Variants in SBF2 observed in about 807,000 individuals in gnomAD.
The protein encoded by SBF2 is SET binding factor 2.
SBF2 carries 112 observed loss-of-function variants against 225.2 expected under a neutral mutation model. That is an observed-to-expected ratio of 0.50 (90% confidence interval 0.43 to 0.58). The LOEUF is 0.58. Among genes scored for constraint, SBF2 ranks in the 20% least tolerant of loss-of-function variants. The pLI is 0.00. For synonymous variants in SBF2, 763 were observed against 773.3 expected (o/e 0.99, Z 0.22); for missense variants, 1,996 against 2,206.2 (o/e 0.90, Z 1.91).
intron 1 of SBF2, among the ~76,000 whole-genome samples, chr11:10,266,322 G>A (rs61889817): frequency 0.11 from 16,049 of 152,122 alleles, 997 homozygotes; most frequent in Non-Finnish European, 0.11. Flanking sequence ...CACTATTTGT[G>A]CAATTAAAGA....
intron 19 of SBF2, among the ~76,000 whole-genome samples, chr11:9,854,632 G>A (rs937366920): frequency 2.0e-5 from 3 of 152,046 alleles, no homozygotes; most frequent in Non-Finnish European, 4.4e-5. Context: ...TCACCCAGGC[G>A]AGAGTGCAGC....
chr11:9,853,753 T>C, intron 19 of SBF2, 41 bp from the exon 20 acceptor site: 6 of 1,566,932 alleles, frequency 3.8e-6, no homozygotes, highest in South Asian at 3.3e-5. Flanking sequence ...AGTACTTAAA[T>C]GCAACAAATG....
chr11:10,215,992 T>C (rs1958116047), intron 1 of SBF2, among the ~76,000 whole-genome samples: 1 of 152,248 alleles, frequency 6.6e-6, no homozygotes, highest in South Asian at 2.1e-4. Context: ...GTCCCTTCTG[T>C]GGACATTCTC....
intron 2 of SBF2, among the ~76,000 whole-genome samples, chr11:10,104,332 T>A (rs570806664): frequency 6.6e-6 from 1 of 152,112 alleles, no homozygotes; most frequent in Non-Finnish European, 1.5e-5. Flanking sequence ...GCCCTTTAAA[T>A]CCCCTGGAAG....
intron 1 of SBF2, among the ~76,000 whole-genome samples, chr11:10,229,088 T>C (rs918662396): frequency 6.6e-6 from 1 of 152,198 alleles, no homozygotes; most frequent in Non-Finnish European, 1.5e-5. Flanking sequence ...TTCTAGATTT[T>C]CTAGTTTATT....
chr11:10,282,889 C>G (rs1260559332), intron 1 of SBF2, among the ~76,000 whole-genome samples: 1 of 152,128 alleles, frequency 6.6e-6, no homozygotes, highest in Non-Finnish European at 1.5e-5. Context: ...GAGCTTTTCA[C>G]AATTGTCAAC....
rs147684352 is a variant in SBF2 at position 9,786,466 on chromosome 11, T to A, written c.5038-1148A>T. Among the ~76,000 whole-genome samples, 217 of 152,310 alleles carry A rather than the reference T, an allele frequency of 1.4e-3. 3 individuals are homozygous for A. In the East Asian group the frequency reaches 0.025, roughly 18 times the overall value. ...CATCACCCACCTGTTGTCTGTCTGA[T>A]AACAGCTCCTGAATTGCTATTTGAG... On this transcript the variant is annotated intron_variant, in intron 36 of 39. Transcript: ENST00000256190.
At position 9,780,276 on chromosome 11, in the gene SBF2, AC is replaced by A; in HGVS notation, c.*141del. Reference sequence around the variant, plus strand: ...CTATTCAGGTTAAGTAGATATAGCAACCCCTGCAAGAGGGGACTGGGCAGGA... The same window carrying A: ...CTATTCAGGTTAAGTAGATATAGCAACCCTGCAAGAGGGGACTGGGCAGGA... On this transcript the variant is annotated 3_prime_UTR_variant, in exon 40 of 40. Transcript: ENST00000256190. 1 of 732,212 alleles carries A rather than the reference AC, an allele frequency of 1.4e-6. No individual in the cohort carries two copies. The highest frequency in any genetic ancestry group is 1.5e-5 in the South Asian group (1 of 67,328). 45.4% of individuals were successfully genotyped at this position (732,212 alleles called of 1,614,324 possible). A position where few individuals can be genotyped will look rare whatever the true frequency, so the allele number is the denominator to read the frequency against.
chr11:9,803,805 A>C (rs535213412), intron 32 of SBF2, among the ~76,000 whole-genome samples: 2 of 151,740 alleles, frequency 1.3e-5, no homozygotes, highest in African/African-American at 4.9e-5. Context: ...GAATGGGAGG[A>C]AACACAGCAC....
chr11:9,784,560 T>C (rs898274171), intron 37 of SBF2, 122 bp from the exon 38 acceptor site: 2 of 775,494 alleles, frequency 2.6e-6, no homozygotes, highest in African/African-American at 3.5e-5. Flanking sequence ...AAAAATGGCC[T>C]ATAAGAGTTC....
Position 9,858,267 on chromosome 11 carries a change from A to G in SBF2, c.2059T>C (p.Ser687Pro). ...VQEQVRSLYL[S>P]AKEDNHAPHL... ...GGGGCATGATTGTCTTCCTTGGCTGAGAGATAAAGGGAGCGAACCTGTTCC... is the reference window on the plus strand; with the variant it reads ...GGGGCATGATTGTCTTCCTTGGCTGGGAGATAAAGGGAGCGAACCTGTTCC... The change falls in exon 18 of 40, where the codon TCA (serine) becomes CCA (proline). Residue 687 changes from serine (S) to proline (P), a missense_variant. Transcript: ENST00000256190. 1 of 1,614,130 alleles carries G rather than the reference A, an allele frequency of 6.2e-7. No individual in the cohort carries two copies. The highest frequency in any genetic ancestry group is 8.5e-7 in the Non-Finnish European group (1 of 1,180,020).
intron 1 of SBF2, among the ~76,000 whole-genome samples, chr11:10,272,960 CTG>C (rs1436663065): frequency 6.6e-6 from 1 of 151,836 alleles, no homozygotes; most frequent in Non-Finnish European, 1.5e-5. Context: ...ATCCTAGCTA[CTG>C]TGGAGGCTGA....
Position 9,785,278 on chromosome 11 carries a change from G to A in SBF2, c.5078C>T (p.Thr1693Ile). ...CCTCTTCTGATAGGAAGGTAGGTTG[G>A]TAGACACAATTCCTGGGGATCTCGA... is the stretch of plus-strand genomic sequence containing the variant. ...HLSRSPGIVS[T>I]NLPSYQKRSL... The change falls in exon 37 of 40, where the codon ACC (threonine) becomes ATC (isoleucine). Residue 1693 changes from threonine to isoleucine, a missense_variant. Transcript: ENST00000256190. 1 of 1,614,214 alleles carries A rather than the reference G, an allele frequency of 6.2e-7. No homozygotes were observed. The highest frequency in any genetic ancestry group is 8.5e-7 in the Non-Finnish European group (1 of 1,180,036).
At chr11:10,130,426 T>C (rs561181704) in intron 2 of SBF2, among the ~76,000 whole-genome samples, 1 of 152,292 alleles carries the variant, frequency 6.6e-6, no homozygotes, top group Non-Finnish European at 1.5e-5. Flanking sequence ...AAACAATTTT[T>C]TTAGTTTTTA....
intron 16 of SBF2, among the ~76,000 whole-genome samples, chr11:9,905,493 C>T (rs942900830): frequency 6.6e-6 from 1 of 152,110 alleles, no homozygotes; most frequent in African/African-American, 2.4e-5. Context: ...CTACTATGTG[C>T]CAGGCATGCT....
intron 1 of SBF2, among the ~76,000 whole-genome samples, chr11:10,278,499 G>A (rs1963138358): frequency 6.6e-6 from 1 of 152,124 alleles, no homozygotes; most frequent in Non-Finnish European, 1.5e-5. Flanking sequence ...AAGAAATACT[G>A]GCAGGGCGCA....
intron 14 of SBF2, among the ~76,000 whole-genome samples, chr11:9,964,688 C>T (rs1866786125): frequency 6.6e-6 from 1 of 152,204 alleles, no homozygotes; most frequent in South Asian, 2.1e-4. Context: ...TAGCACCTTT[C>T]ACCTTTTACC....
Position 9,856,530 on chromosome 11 carries a change from C to T in SBF2, c.2291G>A (p.Ser764Asn). 1 of 1,614,098 alleles carries T rather than the reference C, an allele frequency of 6.2e-7. No homozygotes were observed. Among genetic ancestry groups the T allele is most frequent in the Non-Finnish European group, 8.5e-7 (1 of 1,180,026 alleles). The change falls in exon 19 of 40, where the codon AGT becomes AAT. Residue 764 changes from serine (S) to asparagine (N), a missense_variant. Transcript: ENST00000256190. ...MVNLLVPLDTSKNKLLRTSAP... is the reference protein window; with the variant it reads ...MVNLLVPLDTNKNKLLRTSAP... Reference sequence around the variant, plus strand: ...TGATGTTCTTAGGAGCTTGTTTTTACTTGTGTCGAGTGGAACTAGCAGGTT... The same window carrying T: ...TGATGTTCTTAGGAGCTTGTTTTTATTTGTGTCGAGTGGAACTAGCAGGTT...
chr11:10,201,692 G>A (rs1355347864), intron 1 of SBF2, among the ~76,000 whole-genome samples: 3 of 152,150 alleles, frequency 2.0e-5, no homozygotes, highest in Non-Finnish European at 2.9e-5. Flanking sequence ...GAGTCCATAG[G>A]CTTTTACAGA....
Sources: gnomAD v4.1 joint callset for allele counts (sites outside exome capture counted in the v4.1 genomes callset) on GRCh38, gnomAD v4.1.1 for gene constraint, MANE v1.5 for transcripts, NCBI Gene and HGNC (gene_info 2026-07-23, HGNC 2026-07-21) for gene names.